C1GALT1: variants seen among roughly 807,000 people sequenced by gnomAD.
C1GALT1 encodes the protein glycoprotein-N-acetylgalactosamine 3-beta-galactosyltransferase 1.
A neutral mutation model predicts 31.0 loss-of-function variants in C1GALT1; 11 were observed. That is an observed-to-expected ratio of 0.36 (90% confidence interval 0.22 to 0.59). C1GALT1 has a LOEUF of 0.59. C1GALT1 is among the 20% of genes least tolerant of loss of function. C1GALT1 has a pLI of 0.79. For missense variants in C1GALT1, 424 were observed against 425.2 expected, an observed-to-expected ratio of 1.00 and a Z score of 0.03; for synonymous variants, 175 against 143.6, an observed-to-expected ratio of 1.22 and a Z score of -1.56.
intron 2 of C1GALT1, among the ~76,000 whole-genome samples, chr7:7,176,532 G>A (rs138876649): frequency 6.6e-6 from 1 of 152,276 alleles, no homozygotes; most frequent in East Asian, 1.9e-4. Context: ...TAACCCCAGG[G>A]ATTCTAGCCT....
At chr7:7,167,023 G>A (rs1228817914) in intron 2 of C1GALT1, among the ~76,000 whole-genome samples, 1 of 152,148 alleles carries the variant, frequency 6.6e-6, no homozygotes, top group Admixed American at 6.6e-5. Flanking sequence ...GAATTGAGGA[G>A]GGCATGCCCT....
At chr7:7,172,327 G>A (rs901990161) in intron 2 of C1GALT1, among the ~76,000 whole-genome samples, 2 of 152,000 alleles carry the variant, frequency 1.3e-5, no homozygotes, top group African/African-American at 4.8e-5. Flanking sequence ...TTTTAATGAG[G>A]ATTCCTTATA....
At chr7:7,219,300 G>T (rs568730135) in intron 1 of C1GALT1, among the ~76,000 whole-genome samples, 1 of 152,240 alleles carries the variant, frequency 6.6e-6, no homozygotes, top group African/African-American at 2.4e-5. Flanking sequence ...CAAACCCATA[G>T]AATGTACAAC....
chr7:7,181,085 T>C (rs1780574015), upstream of C1GALT1, among the ~76,000 whole-genome samples: 1 of 151,662 alleles, frequency 6.6e-6, no homozygotes, highest in African/African-American at 2.4e-5. Context: ...TAATTATAAC[T>C]TTTAATAAAA....
rs1490001729 is a variant in C1GALT1 at position 7,246,370 on chromosome 7, G to A, written c.*2643G>A. 2.0e-5 allele frequency: 3 copies of A among 152,120 alleles called. No homozygotes were observed. The highest frequency in any genetic ancestry group is 2.9e-5 in the Non-Finnish European group (2 of 68,038). 9.4% of individuals were successfully genotyped at this position (152,120 alleles called of 1,614,324 possible). On this transcript the variant is annotated 3_prime_UTR_variant, in exon 4 of 4. Coordinates refer to ENST00000436587, the MANE Select transcript of C1GALT1 (RefSeq NM_020156.5). ...CATTTTTATGTATATGATATATGAC[G>A]TCTGATGCATTGGCCAGTAATAGTC...
chr7:7,214,012 G>A (rs1191425102), intron 1 of C1GALT1, among the ~76,000 whole-genome samples: 1 of 152,162 alleles, frequency 6.6e-6, no homozygotes, highest in Non-Finnish European at 1.5e-5. Flanking sequence ...GGGGGGTAGG[G>A]ATGTTTCCTT....
intron 1 of C1GALT1, among the ~76,000 whole-genome samples, chr7:7,231,548 CTT>C (rs992864585): frequency 1.3e-5 from 2 of 152,022 alleles, no homozygotes; most frequent in African/African-American, 4.8e-5. Context: ...TCTGACCTAG[CTT>C]TTTAGGTTAT....
At position 7,248,288 on chromosome 7, in the gene C1GALT1, C is replaced by A. The variant is rs1783926850; in HGVS notation, c.*4561C>A. 1 of 151,906 alleles carries A rather than the reference C, an allele frequency of 6.6e-6. No individual in the cohort carries two copies. The highest frequency in any genetic ancestry group is 6.6e-5 in the Admixed American group (1 of 15,252). 9.4% of individuals were successfully genotyped at this position (151,906 alleles called of 1,614,324 possible). On this transcript the variant is annotated 3_prime_UTR_variant, in exon 4 of 4. Coordinates refer to ENST00000436587, the MANE Select transcript of C1GALT1 (RefSeq NM_020156.5). ...ATTTTGCTCTATTTCAACTCCCTTACCTCTCTAGTTTTCAGTTTATATTAA... is the reference window on the plus strand; with the variant it reads ...ATTTTGCTCTATTTCAACTCCCTTAACTCTCTAGTTTTCAGTTTATATTAA...
At chr7:7,171,918 C>A (rs1301210473) in intron 2 of C1GALT1, among the ~76,000 whole-genome samples, 1 of 152,096 alleles carries the variant, frequency 6.6e-6, no homozygotes, top group Non-Finnish European at 1.5e-5. Flanking sequence ...ACATCTTTAA[C>A]ATTGTGTCCC....
intron 1 of C1GALT1, among the ~76,000 whole-genome samples, chr7:7,186,269 T>G (rs1780813149): frequency 6.6e-6 from 1 of 152,166 alleles, no homozygotes; most frequent in African/African-American, 2.4e-5. Context: ...ACTGCCACAG[T>G]GGTGATTAAG....
chr7:7,194,610 C>G (rs1781208514), intron 1 of C1GALT1, among the ~76,000 whole-genome samples: 1 of 151,928 alleles, frequency 6.6e-6, no homozygotes, highest in Non-Finnish European at 1.5e-5. Context: ...CTATGTTCAT[C>G]AGGGATATTG....
rs936662969 is a variant in C1GALT1 at position 7,232,320 on chromosome 7, G to T, written c.-17-1983G>T. ...ATGAAGTTGTTTTGTTTTTATTATT[G>T]TAGTGGTGATTGTTGGTTTGTACTT... is the stretch of plus-strand genomic sequence containing the variant. On this transcript the variant is annotated intron_variant, in intron 1 of 3. Transcript: ENST00000436587. Among the ~76,000 whole-genome samples, 7 of 152,118 alleles carry T rather than the reference G, an allele frequency of 4.6e-5. No homozygotes were observed. In the East Asian group the frequency reaches 1.2e-3, roughly 25 times the overall value.
Position 7,205,772 on chromosome 7 carries a change from G to A in C1GALT1, c.-18+22952G>A, listed in dbSNP as rs367928103. Among the ~76,000 whole-genome samples, 3 of 151,698 alleles carry A rather than the reference G, an allele frequency of 2.0e-5. No homozygotes were observed. In the East Asian group the frequency reaches 5.8e-4, roughly 29 times the overall value. On this transcript the variant is annotated intron_variant, in intron 1 of 3. Transcript: ENST00000436587. The stretch of plus-strand genomic sequence containing the variant: ...TATGAATGGAATATCTTTTTTTCAT[G>A]CCTTCACTTTCACCCTGTTTGTGTC...
intron 1 of C1GALT1, among the ~76,000 whole-genome samples, chr7:7,226,534 G>A (rs1234324908): frequency 6.6e-6 from 1 of 152,158 alleles, no homozygotes; most frequent in African/African-American, 2.4e-5. Flanking sequence ...CATAAGAGAA[G>A]AGGTTAAAGG....
At chr7:7,170,609 C>T (rs1780443036) in intron 2 of C1GALT1, among the ~76,000 whole-genome samples, 1 of 152,054 alleles carries the variant, frequency 6.6e-6, no homozygotes, top group African/African-American at 2.4e-5. Context: ...ATGGTGAAAC[C>T]CCATCTCTAC....
chr7:7,183,077 A>G (rs1188736296), intron 1 of C1GALT1, among the ~76,000 whole-genome samples: 4 of 151,416 alleles, frequency 2.6e-5, no homozygotes, highest in African/African-American at 9.7e-5. Context: ...GTGGACATGT[A>G]CCCTCCTCTT....
intron 2 of C1GALT1, among the ~76,000 whole-genome samples, chr7:7,177,445 T>C (rs7800897): frequency 0.022 from 3,326 of 152,266 alleles, 116 homozygotes; most frequent in African/African-American, 0.075. Context: ...TAACCGGTTA[T>C]ATATATGTTT....
chr7:7,183,330 G>T (rs1301521247), intron 1 of C1GALT1, among the ~76,000 whole-genome samples: 2 of 152,186 alleles, frequency 1.3e-5, no homozygotes, highest in East Asian at 3.9e-4. Context: ...CGCCGCCTGA[G>T]CGCCCAGCGA....
intron 2 of C1GALT1, among the ~76,000 whole-genome samples, chr7:7,169,127 G>A (rs1780426251): frequency 6.6e-6 from 1 of 152,072 alleles, no homozygotes; most frequent in South Asian, 2.1e-4. Context: ...TCATTTCTCT[G>A]GCTTATTTCA....
Sources: allele counts gnomAD v4.1 joint callset (sites outside exome capture counted in the v4.1 genomes callset), GRCh38; gene constraint gnomAD v4.1.1; transcripts MANE v1.5; gene names NCBI Gene and HGNC (gene_info 2026-07-23, HGNC 2026-07-21).